The following FOXP1 variants were observed in gnomAD, a reference collection of about 807,000 sequenced individuals.
FOXP1 encodes forkhead box protein P1.
A neutral mutation model predicts 98.2 loss-of-function variants in FOXP1; 15 were observed. The observed-to-expected ratio is 0.15, with a 90% CI of 0.10 to 0.24. The LOEUF (loss-of-function observed/expected upper bound fraction) is 0.24, where lower values mean the gene tolerates loss of function less well. Ranked by LOEUF, FOXP1 falls within the 10% of genes least tolerant of loss-of-function variation. FOXP1 has a pLI of 1.00. For synonymous variants in FOXP1, 371 were observed against 314.5 expected, an observed-to-expected ratio of 1.18 and a Z score of -1.90; for missense variants, 633 against 848.5, an observed-to-expected ratio of 0.75 and a Z score of 3.15.
intron 3 of FOXP1, among the ~76,000 whole-genome samples, chr3:71,372,509 G>A (rs763662139): frequency 6.6e-6 from 1 of 152,046 alleles, no homozygotes; most frequent in Non-Finnish European, 1.5e-5. Flanking sequence ...AACTCCAGGA[G>A]AACAGAGTTC....
intron 3 of FOXP1, among the ~76,000 whole-genome samples, chr3:71,465,686 G>GA (rs1161988716): frequency 2.0e-5 from 3 of 152,176 alleles, no homozygotes; most frequent in Admixed American, 6.5e-5. Context: ...TTTAAAAAAA[G>GA]AGCAAATCCA....
chr3:71,216,906 C>A (rs2064980514), intron 5 of FOXP1, among the ~76,000 whole-genome samples: 1 of 152,120 alleles, frequency 6.6e-6, no homozygotes, highest in African/African-American at 2.4e-5. Flanking sequence ...GGGGCTTGTG[C>A]CACTGGAATC....
At chr3:71,046,872 C>A in intron 10 of FOXP1, 70 bp downstream of exon 10, 1 of 1,541,868 alleles carries the variant, frequency 6.5e-7, no homozygotes, top group Non-Finnish European at 9.0e-7. Context: ...AACAAATATA[C>A]CAAGAGACAA....
chr3:71,568,118 G>A lies in FOXP1; in HGVS notation c.-298+13431C>T, dbSNP rs528248891. 5.3e-5 allele frequency among the ~76,000 whole-genome samples: 8 copies of A among 151,512 alleles called. No homozygotes were observed. In the East Asian group the frequency reaches 1.6e-3, roughly 30 times the overall value. On this transcript the variant is annotated intron_variant, in intron 2 of 20. Transcript: ENST00000649528. ...AAAAAGAAAGAAAAGGAAGGGAAGG[G>A]GAGGGAAGGAAAGAAACTCGAGCAG...
intron 12 of FOXP1, among the ~76,000 whole-genome samples, chr3:71,002,076 G>C (rs1243575399): frequency 1.3e-5 from 2 of 152,114 alleles, no homozygotes; most frequent in Non-Finnish European, 2.9e-5. Context: ...TCAGGTTTTT[G>C]TTCCAAATGT....
At chr3:71,388,423 T>C (rs1237836536) in intron 3 of FOXP1, among the ~76,000 whole-genome samples, 1 of 152,230 alleles carries the variant, frequency 6.6e-6, no homozygotes, top group African/African-American at 2.4e-5. Flanking sequence ...GAAATGTTTT[T>C]ATAGCCGTGT....
chr3:71,503,573 C>T (rs548847949), intron 2 of FOXP1, among the ~76,000 whole-genome samples: 250 of 139,766 alleles, frequency 1.8e-3, no homozygotes, highest in African/African-American at 6.3e-3. Context: ...TGCACTCCAG[C>T]CTGGGCAACA....
At chr3:71,490,235 A>G (rs147882106) in intron 3 of FOXP1, among the ~76,000 whole-genome samples, 11 of 152,204 alleles carry the variant, frequency 7.2e-5, no homozygotes, top group Admixed American at 1.3e-4. Flanking sequence ...AGTGCCTCAC[A>G]CCTGTAATCC....
At chr3:71,196,011 G>A (rs1321718691) in intron 6 of FOXP1, among the ~76,000 whole-genome samples, 2 of 152,112 alleles carry the variant, frequency 1.3e-5, no homozygotes, top group South Asian at 2.1e-4. Context: ...ATATACTTAG[G>A]GGAGTTGAAC....
chr3:71,310,935 T>A (rs1240642434), intron 4 of FOXP1, among the ~76,000 whole-genome samples: 2 of 152,236 alleles, frequency 1.3e-5, no homozygotes, highest in Non-Finnish European at 2.9e-5. Flanking sequence ...GCAGCTGAAC[T>A]GATTCTGTTT....
chr3:71,292,099 G>C (rs555433916), intron 5 of FOXP1, among the ~76,000 whole-genome samples: 1 of 152,108 alleles, frequency 6.6e-6, no homozygotes, highest in South Asian at 2.1e-4. Context: ...AAAATGACTG[G>C]TCTAAATAAA....
intron 6 of FOXP1, among the ~76,000 whole-genome samples, chr3:71,147,771 T>A (rs1345208875): frequency 6.6e-6 from 1 of 152,108 alleles, no homozygotes; most frequent in Non-Finnish European, 1.5e-5. Flanking sequence ...GCTTCCAAGA[T>A]CCTAGCCTTA....
intron 5 of FOXP1, among the ~76,000 whole-genome samples, chr3:71,291,024 C>T (rs779830063): frequency 2.6e-5 from 4 of 152,210 alleles, no homozygotes; most frequent in Non-Finnish European, 4.4e-5. Flanking sequence ...ACCCTGACCA[C>T]CCACCACCCT....
chr3:71,249,679 T>C (rs2068033018), intron 5 of FOXP1, among the ~76,000 whole-genome samples: 1 of 152,170 alleles, frequency 6.6e-6, no homozygotes, highest in Non-Finnish European at 1.5e-5. Context: ...CCCTGAATAA[T>C]GAAGCTGGCC....
intron 6 of FOXP1, among the ~76,000 whole-genome samples, chr3:71,127,063 G>A (rs2059261083): frequency 6.6e-6 from 1 of 151,930 alleles, no homozygotes; most frequent in Non-Finnish European, 1.5e-5. Context: ...ACAGCTTCAG[G>A]AGCCAAACAA....
chr3:70,982,695 T>C (rs890698820), intron 14 of FOXP1, among the ~76,000 whole-genome samples: 8 of 137,654 alleles, frequency 5.8e-5, no homozygotes, highest in East Asian at 3.9e-4. Context: ...GCTTAGTCCC[T>C]TTTTTTTTTT....
intron 5 of FOXP1, among the ~76,000 whole-genome samples, chr3:71,234,476 C>T (rs549190984): frequency 3.3e-5 from 5 of 152,318 alleles, no homozygotes; most frequent in African/African-American, 9.6e-5. Context: ...GGCGAGGATG[C>T]TCTTCAAATC....
chr3:71,055,217 G>C (rs898406525), intron 7 of FOXP1, among the ~76,000 whole-genome samples: 1 of 152,152 alleles, frequency 6.6e-6, no homozygotes, highest in South Asian at 2.1e-4. Flanking sequence ...TAATTTTGAT[G>C]AACTAAAAAT....
At chr3:70,970,687 G>T in intron 19 of FOXP1, 49 bp downstream of exon 19, 1 of 1,347,044 alleles carries the variant, frequency 7.4e-7, no homozygotes, top group South Asian at 1.2e-5. Context: ...GAAATGAGTA[G>T]GGGAGACCTG....
Sources: gnomAD v4.1 joint callset for allele counts (sites outside exome capture counted in the v4.1 genomes callset) on GRCh38, gnomAD v4.1.1 for gene constraint, MANE v1.5 for transcripts, NCBI Gene and HGNC (gene_info 2026-07-23, HGNC 2026-07-21) for gene names.